NELL1: variants seen among roughly 807,000 people sequenced by gnomAD.
NELL1 encodes neural EGFL like 1.
Under a neutral mutation model 107.4 loss-of-function variants are expected in NELL1, and 76 were observed. That is an observed-to-expected ratio of 0.71 (90% CI 0.59 to 0.86). The LOEUF is 0.86. NELL1 is among the 40% of genes least tolerant of loss of function. The pLI is 0.00. For missense variants in NELL1, 1,024 were observed against 1,005.5 expected, an observed-to-expected ratio of 1.02 and a Z score of -0.25; for synonymous variants, 353 against 341.2, an observed-to-expected ratio of 1.03 and a Z score of -0.38.
At chr11:21,115,161 G>A (rs1401029862) in intron 13 of NELL1, among the ~76,000 whole-genome samples, 3 of 151,974 alleles carry the variant, frequency 2.0e-5, no homozygotes, top group Non-Finnish European at 4.4e-5. Flanking sequence ...TTTATATATG[G>A]AACAAGATGG....
chr11:21,354,742 T>C (rs1850891623), intron 14 of NELL1, among the ~76,000 whole-genome samples: 1 of 152,192 alleles, frequency 6.6e-6, no homozygotes, highest in South Asian at 2.1e-4. Flanking sequence ...CCAGCTACTA[T>C]CACTGCAGGT....
intron 12 of NELL1, among the ~76,000 whole-genome samples, chr11:21,018,591 C>G (rs1358015213): frequency 2.0e-5 from 3 of 152,046 alleles, no homozygotes; most frequent in Non-Finnish European, 4.4e-5. Flanking sequence ...TGGCCGTTGT[C>G]ACTGCTGTTT....
chr11:21,382,458 A>C (rs1473586962), intron 15 of NELL1, among the ~76,000 whole-genome samples: 1 of 152,010 alleles, frequency 6.6e-6, no homozygotes, highest in Non-Finnish European at 1.5e-5. Context: ...TAAATGAATA[A>C]GTATAGACAA....
intron 14 of NELL1, among the ~76,000 whole-genome samples, chr11:21,301,214 T>C (rs1457947685): frequency 6.6e-6 from 1 of 152,184 alleles, no homozygotes; most frequent in African/African-American, 2.4e-5. Context: ...TACGTGTGCA[T>C]GTGTCTTTAT....
intron 14 of NELL1, among the ~76,000 whole-genome samples, chr11:21,267,376 T>C (rs565353914): frequency 1.4e-4 from 21 of 152,254 alleles, no homozygotes; most frequent in Admixed American, 2.0e-4. Flanking sequence ...TTGAATTTAG[T>C]CTTCAAAATA....
At chr11:20,847,266 C>G (rs1399811619) in intron 3 of NELL1, among the ~76,000 whole-genome samples, 1 of 152,110 alleles carries the variant, frequency 6.6e-6, no homozygotes, top group Non-Finnish European at 1.5e-5. Context: ...TTTAGACATT[C>G]ATGGAATGAG....
At chr11:21,519,926 A>G (rs1052073010) in intron 15 of NELL1, among the ~76,000 whole-genome samples, 16 of 152,172 alleles carry the variant, frequency 1.1e-4, no homozygotes, top group African/African-American at 3.6e-4. Context: ...TACATAGTTC[A>G]TAAGATGACA....
intron 3 of NELL1, among the ~76,000 whole-genome samples, chr11:20,840,163 T>G (rs1329395255): frequency 6.6e-6 from 1 of 152,202 alleles, no homozygotes; most frequent in Non-Finnish European, 1.5e-5. Flanking sequence ...TAAAAGAAAA[T>G]GTATAGTTAT....
chr11:21,141,221 G>T lies in NELL1; in HGVS notation c.1426+27507G>T, dbSNP rs1590673512. 2.0e-5 allele frequency among the ~76,000 whole-genome samples: 3 copies of T among 152,268 alleles called. No individual in the cohort carries two copies. The East Asian group carries it at 5.8e-4, about 29-fold the overall frequency. On this transcript the variant is annotated intron_variant, in intron 13 of 19. Coordinates refer to ENST00000357134, the MANE Select transcript of NELL1 (RefSeq NM_006157.5). ...GACAATCAAATTTGAGATCTCAAGT[G>T]CAAAAGAAATAGAATATTAAAAGAA...
At chr11:21,461,935 G>A (rs1205612633) in intron 15 of NELL1, among the ~76,000 whole-genome samples, 1 of 152,094 alleles carries the variant, frequency 6.6e-6, no homozygotes, top group African/African-American at 2.4e-5. Flanking sequence ...GGAAGCCAGG[G>A]AATAGAGTTA....
chr11:20,693,611 G>GC (rs1253831854), intron 2 of NELL1, among the ~76,000 whole-genome samples: 1 of 151,988 alleles, frequency 6.6e-6, no homozygotes, highest in African/African-American at 2.4e-5. Context: ...TTGAATATTG[G>GC]CCCCCACTCT....
chr11:20,691,455 C>G (rs1403026178), intron 2 of NELL1, among the ~76,000 whole-genome samples: 2 of 151,912 alleles, frequency 1.3e-5, no homozygotes, highest in Non-Finnish European at 2.9e-5. Flanking sequence ...TGAGATACGT[C>G]CCATCAATAC....
intron 12 of NELL1, among the ~76,000 whole-genome samples, chr11:21,083,797 TA>T (rs1322861004): frequency 3.3e-5 from 5 of 152,206 alleles, no homozygotes; most frequent in African/African-American, 1.2e-4. Context: ...TCACTGCATG[TA>T]GTATCATATA....
chr11:21,068,151 T>C (rs559050814), intron 12 of NELL1, among the ~76,000 whole-genome samples: 3 of 151,594 alleles, frequency 2.0e-5, no homozygotes, highest in Non-Finnish European at 4.4e-5. Flanking sequence ...TGGTGTCTAG[T>C]GGCCTTTGGA....
chr11:21,539,600 G>A (rs886445751), intron 16 of NELL1, among the ~76,000 whole-genome samples: 9 of 151,590 alleles, frequency 5.9e-5, no homozygotes, highest in Non-Finnish European at 1.3e-4. Flanking sequence ...ACTCCTCTCT[G>A]AGTGTCCCCA....
intron 15 of NELL1, among the ~76,000 whole-genome samples, chr11:21,489,407 A>AAAAAAAAAAAAAAAAAAAAAAG (rs1854739799): frequency 7.0e-6 from 1 of 142,804 alleles, no homozygotes; most frequent in Non-Finnish European, 1.5e-5. Context: ...AAAAAAAAAA[A>AAAAAAAAAAAAAAAAAAAAAAG]ACAGAAGAAA....
intron 15 of NELL1, among the ~76,000 whole-genome samples, chr11:21,405,194 C>A (rs1334035972): frequency 8.0e-5 from 1 of 12,472 alleles, no homozygotes; most frequent in Non-Finnish European, 1.6e-4. Context: ...CTTTGATGCA[C>A]TAGGTTTTGT....
intron 14 of NELL1, among the ~76,000 whole-genome samples, chr11:21,317,065 A>G (rs1426315452): frequency 6.6e-6 from 1 of 152,168 alleles, no homozygotes; most frequent in African/African-American, 2.4e-5. Context: ...CTAGGTTAGT[A>G]TAAATACTAG....
Position 21,397,556 on chromosome 11 carries a change from A to G in NELL1, c.1645+26608A>G, listed in dbSNP as rs560323838. On this transcript the variant is annotated intron_variant, in intron 15 of 19. Coordinates refer to ENST00000357134, the MANE Select transcript of NELL1 (RefSeq NM_006157.5). ...TACATATTGTATTATTTTAAGTCATATAAAACACATATAAATTATATCACA... is the reference window on the plus strand; with the variant it reads ...TACATATTGTATTATTTTAAGTCATGTAAAACACATATAAATTATATCACA... Among the ~76,000 whole-genome samples, 20 of 151,828 alleles carry G rather than the reference A, an allele frequency of 1.3e-4. No homozygotes were observed. The South Asian group carries it at 4.1e-3, about 31-fold the overall frequency.
Sources: allele counts gnomAD v4.1 joint callset (sites outside exome capture counted in the v4.1 genomes callset), GRCh38; gene constraint gnomAD v4.1.1; transcripts MANE v1.5; gene names NCBI Gene and HGNC (gene_info 2026-07-23, HGNC 2026-07-21).